The following TBC1D14 variants were observed in gnomAD, a reference collection of about 807,000 sequenced individuals.
TBC1D14 encodes the protein TBC1 domain family member 14, also known as TBC1 domain family, member 14.
Under a neutral mutation model 79.0 loss-of-function variants are expected in TBC1D14, and 26 were observed. The observed-to-expected ratio is 0.33, with a 90% CI of 0.24 to 0.46. The LOEUF (loss-of-function observed/expected upper bound fraction) is 0.46, where lower values mean the gene tolerates loss of function less well. TBC1D14 is among the 20% of genes least tolerant of loss of function. The probability of loss-of-function intolerance (pLI) is 1.00; values close to 1 mark genes in which losing one functional copy is unlikely to be tolerated. For missense variants in TBC1D14, 769 were observed against 887.6 expected, an observed-to-expected ratio of 0.87 and a Z score of 1.70; for synonymous variants, 394 against 349.9, an observed-to-expected ratio of 1.13 and a Z score of -1.40.
chr4:7,027,674 C>G (rs1400771937), intron 13 of TBC1D14, among the ~76,000 whole-genome samples: 1 of 129,226 alleles, frequency 7.7e-6, no homozygotes, highest in Non-Finnish European at 1.7e-5. Context: ...CCCACACAAT[C>G]ACACACCCAC....
intron 11 of TBC1D14, among the ~76,000 whole-genome samples, chr4:7,013,703 GTGCCAGGGGTTGGACGAGGCA>G (rs1374299089): frequency 6.6e-6 from 1 of 151,454 alleles, no homozygotes; most frequent in Non-Finnish European, 1.5e-5. Context: ...CCCCCTGGAA[GTGCCAGGGGTTGGACGAGGCA>G]TGCCTGCTTT....
chr4:6,929,177 G>C (rs1048815078), intron 2 of TBC1D14, among the ~76,000 whole-genome samples: 12 of 152,182 alleles, frequency 7.9e-5, no homozygotes, highest in African/African-American at 2.7e-4. Context: ...CTGTTTGCTG[G>C]TGTGTGGTCC....
chr4:7,006,830 G>T (rs1335252582), intron 9 of TBC1D14, 104 bp downstream of exon 9: 2 of 962,056 alleles, frequency 2.1e-6, no homozygotes, highest in Admixed American at 2.4e-5. Flanking sequence ...TTGGGTTTTT[G>T]GGGGTGTTAG....
chr4:7,018,333 C>T (rs1721482175), intron 12 of TBC1D14, among the ~76,000 whole-genome samples: 1 of 152,214 alleles, frequency 6.6e-6, no homozygotes, highest in African/African-American at 2.4e-5. Flanking sequence ...AGCTCAGCGT[C>T]CTGGGTGGGC....
chr4:6,924,253 G>T, intron 2 of TBC1D14, 142 bp downstream of exon 2: 1 of 1,131,174 alleles, frequency 8.8e-7, no homozygotes. Flanking sequence ...TTTCCCAGAA[G>T]CCCGGAATCC....
chr4:6,963,330 C>T (rs751589645), intron 2 of TBC1D14, among the ~76,000 whole-genome samples: 8 of 152,236 alleles, frequency 5.3e-5, no homozygotes, highest in African/African-American at 1.2e-4. Flanking sequence ...GCTGACTCAC[C>T]GGGCCACACA....
At chr4:6,914,556 C>T (rs1723244953) in intron 1 of TBC1D14, among the ~76,000 whole-genome samples, 1 of 152,208 alleles carries the variant, frequency 6.6e-6, no homozygotes, top group African/African-American at 2.4e-5. Context: ...TGTTACTACG[C>T]ACCACCCTTT....
intron 2 of TBC1D14, among the ~76,000 whole-genome samples, chr4:6,936,198 T>G (rs1349489675): frequency 1.3e-5 from 2 of 152,224 alleles, no homozygotes; most frequent in Non-Finnish European, 2.9e-5. Flanking sequence ...GGGGCCACCC[T>G]GGGTGCTGTG....
intron 2 of TBC1D14, among the ~76,000 whole-genome samples, chr4:6,962,025 C>CG (rs1296877379): frequency 2.0e-5 from 3 of 152,172 alleles, no homozygotes; most frequent in Admixed American, 1.3e-4. Context: ...CAAGGCTGAT[C>CG]GATGGGGCTT....
At chr4:7,001,368 A>T in intron 7 of TBC1D14, 117 bp downstream of exon 7, 1 of 854,732 alleles carries the variant, frequency 1.2e-6, no homozygotes, top group East Asian at 2.7e-5. Context: ...CTTTTGAGAG[A>T]CCAGGAGACT....
chr4:7,030,197 G>A (rs1722903826), intron 13 of TBC1D14, 130 bp from the exon 14 acceptor site: 1 of 782,498 alleles, frequency 1.3e-6, no homozygotes, highest in Non-Finnish European at 2.2e-6. Flanking sequence ...GAAGACCCTG[G>A]AGGGTTGGAG....
At chr4:6,913,353 G>A (rs374955255) in intron 1 of TBC1D14, among the ~76,000 whole-genome samples, 13 of 152,304 alleles carry the variant, frequency 8.5e-5, no homozygotes, top group African/African-American at 3.1e-4. Context: ...GTGTAAGAAT[G>A]GTTAAGTGTT....
At chr4:7,007,020 G>C (rs544926869) in intron 9 of TBC1D14, among the ~76,000 whole-genome samples, 5 of 152,290 alleles carry the variant, frequency 3.3e-5, no homozygotes, top group African/African-American at 1.2e-4. Context: ...CCCATGGGTG[G>C]CTGTGTCTGC....
intron 13 of TBC1D14, among the ~76,000 whole-genome samples, chr4:7,026,407 A>C (rs1172034517): frequency 6.6e-6 from 1 of 152,150 alleles, no homozygotes; most frequent in African/African-American, 2.4e-5. Context: ...CTCAGCTACT[A>C]ACTCCTTCCT....
chr4:6,924,657 C>T (rs565685657), intron 2 of TBC1D14, among the ~76,000 whole-genome samples: 3 of 152,200 alleles, frequency 2.0e-5, no homozygotes, highest in Admixed American at 6.5e-5. Flanking sequence ...GCATTCCCAA[C>T]GTGCTGGGCC....
chr4:6,948,033 G>C (rs576675494), intron 2 of TBC1D14, among the ~76,000 whole-genome samples: 2 of 152,298 alleles, frequency 1.3e-5, no homozygotes, highest in African/African-American at 4.8e-5. Context: ...ACGTGCTTTG[G>C]GAGCACAGAG....
chr4:6,938,336 C>G (rs1712549243), intron 2 of TBC1D14, among the ~76,000 whole-genome samples: 1 of 152,168 alleles, frequency 6.6e-6, no homozygotes, highest in African/African-American at 2.4e-5. Flanking sequence ...TGGACATAAC[C>G]TCACATGCTC....
At chr4:6,981,878 T>C (rs1242412573) in intron 3 of TBC1D14, among the ~76,000 whole-genome samples, 3 of 152,192 alleles carry the variant, frequency 2.0e-5, no homozygotes, top group Admixed American at 6.5e-5. Context: ...CCCCACCTGA[T>C]AAAGAGCATC....
chr4:6,930,773 G>A (rs1711647001), intron 2 of TBC1D14, among the ~76,000 whole-genome samples: 1 of 146,906 alleles, frequency 6.8e-6, no homozygotes, highest in Non-Finnish European at 1.5e-5. Flanking sequence ...ACTCCAGGCT[G>A]GGCAACAGAG....
Sources: allele counts gnomAD v4.1 joint callset (sites outside exome capture counted in the v4.1 genomes callset), GRCh38; gene constraint gnomAD v4.1.1; transcripts MANE v1.5; gene names NCBI Gene and HGNC (gene_info 2026-07-23, HGNC 2026-07-21).